The following MAP3K7CL variants were observed in gnomAD, a reference collection of about 807,000 sequenced individuals.
MAP3K7CL encodes MAP3K7 C-terminal-like protein.
A neutral mutation model predicts 18.6 loss-of-function variants in MAP3K7CL; 16 were observed. That is an observed-to-expected ratio of 0.86 (90% CI 0.58 to 1.31). MAP3K7CL has a LOEUF of 1.31. Among genes scored for constraint, MAP3K7CL ranks in the 50% most tolerant of loss-of-function variants. MAP3K7CL has a pLI of 0.00. For synonymous variants in MAP3K7CL, 65 were observed against 66.8 expected, an observed-to-expected ratio of 0.97 and a Z score of 0.13; for missense variants, 163 against 174.4, an observed-to-expected ratio of 0.93 and a Z score of 0.37.
chr21:29,163,381 C>T (rs549899204), intron 4 of MAP3K7CL, among the ~76,000 whole-genome samples: 1 of 152,150 alleles, frequency 6.6e-6, no homozygotes, highest in Non-Finnish European at 1.5e-5. Context: ...TTCGTAAAGT[C>T]TCAAGTTCCT....
At chr21:29,155,054 A>G (rs1001058402) in intron 3 of MAP3K7CL, among the ~76,000 whole-genome samples, 1 of 152,242 alleles carries the variant, frequency 6.6e-6, no homozygotes, top group Non-Finnish European at 1.5e-5. Flanking sequence ...TATAATTGAT[A>G]GTGCTCAACT....
chr21:29,100,786 C>T (rs1248733539), intron 4 of MAP3K7CL, among the ~76,000 whole-genome samples: 2 of 143,994 alleles, frequency 1.4e-5, no homozygotes, highest in Non-Finnish European at 3.0e-5. Context: ...GATCTCGGCT[C>T]ACTGCAAGCT....
intron 4 of MAP3K7CL, among the ~76,000 whole-genome samples, chr21:29,101,392 G>A (rs889357822): frequency 7.9e-5 from 12 of 152,132 alleles, no homozygotes; most frequent in African/African-American, 2.9e-4. Flanking sequence ...TCTCAGCCTG[G>A]TCTTGTTTAA....
intron 4 of MAP3K7CL, among the ~76,000 whole-genome samples, chr21:29,110,375 C>A (rs1014688685): frequency 2.6e-5 from 4 of 152,002 alleles, no homozygotes; most frequent in African/African-American, 9.7e-5. Flanking sequence ...TTCTTATCAT[C>A]CTGTTGCTCC....
upstream of MAP3K7CL, among the ~76,000 whole-genome samples, chr21:29,082,499 A>T (rs981992289): frequency 5.3e-5 from 8 of 152,278 alleles, no homozygotes; most frequent in Admixed American, 3.3e-4. Context: ...GCAGGCTTGG[A>T]GGTCTCAGCT....
chr21:29,138,046 A>G (rs1054745765), intron 2 of MAP3K7CL, among the ~76,000 whole-genome samples: 1 of 152,212 alleles, frequency 6.6e-6, no homozygotes, highest in African/African-American at 2.4e-5. Context: ...ACTTGGTGAC[A>G]GACTGGCCCT....
intron 2 of MAP3K7CL, among the ~76,000 whole-genome samples, chr21:29,142,790 G>C (rs964320759): frequency 1.3e-5 from 2 of 152,200 alleles, no homozygotes; most frequent in Admixed American, 1.3e-4. Flanking sequence ...TCAGAGACAG[G>C]TAATACCCTT....
intron 2 of MAP3K7CL, among the ~76,000 whole-genome samples, chr21:29,140,764 T>C (rs114710505): frequency 0.01 from 1,539 of 152,292 alleles, 22 homozygotes; most frequent in African/African-American, 0.035. Context: ...ATACTTCCAA[T>C]AGGCTCTTGT....
At chr21:29,133,450 A>G (rs532501343) in intron 2 of MAP3K7CL, 36 bp downstream of exon 2, 2 of 1,435,664 alleles carry the variant, frequency 1.4e-6, no homozygotes, top group South Asian at 2.7e-5. Flanking sequence ...TGTTTCCTTC[A>G]TACCCCACCT....
intron 4 of MAP3K7CL, among the ~76,000 whole-genome samples, chr21:29,097,925 G>A (rs1189783879): frequency 6.6e-6 from 1 of 152,004 alleles, no homozygotes; most frequent in Admixed American, 6.6e-5. Context: ...TCTATAAACT[G>A]TTGTGTCTGT....
intron 4 of MAP3K7CL, among the ~76,000 whole-genome samples, chr21:29,160,565 A>G (rs1431076646): frequency 6.6e-6 from 1 of 152,230 alleles, no homozygotes; most frequent in Non-Finnish European, 1.5e-5. Flanking sequence ...TAATTAAAGC[A>G]TTCTGATTTT....
chr21:29,162,943 A>T (rs991992487), intron 4 of MAP3K7CL, among the ~76,000 whole-genome samples: 1 of 152,088 alleles, frequency 6.6e-6, no homozygotes, highest in South Asian at 2.1e-4. Context: ...TGTCTCTACT[A>T]AAAATACAAA....
intron 1 of MAP3K7CL, among the ~76,000 whole-genome samples, chr21:29,090,798 GT>G (rs891382607): frequency 6.7e-6 from 1 of 148,862 alleles, no homozygotes; most frequent in Non-Finnish European, 1.5e-5. Context: ...CCGGGACTTC[GT>G]TTTTTTTCTT....
At chr21:29,119,297 T>C (rs1382324780) in intron 4 of MAP3K7CL, among the ~76,000 whole-genome samples, 1 of 152,244 alleles carries the variant, frequency 6.6e-6, no homozygotes, top group Admixed American at 6.5e-5. Flanking sequence ...GGCTAAATTT[T>C]TGTTTGTTTG....
chr21:29,152,896 G>T (rs562164103), intron 3 of MAP3K7CL, among the ~76,000 whole-genome samples: 17 of 152,274 alleles, frequency 1.1e-4, no homozygotes, highest in African/African-American at 3.9e-4. Context: ...TTTCTGGTTT[G>T]CAAGATTGCC....
At chr21:29,114,289 G>A (rs369580623) in intron 4 of MAP3K7CL, among the ~76,000 whole-genome samples, 3 of 151,622 alleles carry the variant, frequency 2.0e-5, no homozygotes, top group East Asian at 2.0e-4. Flanking sequence ...GGCTGGTCTC[G>A]AACTCTTGGT....
intron 2 of MAP3K7CL, among the ~76,000 whole-genome samples, chr21:29,138,758 G>C (rs1190911051): frequency 6.6e-6 from 1 of 152,092 alleles, no homozygotes; most frequent in African/African-American, 2.4e-5. Flanking sequence ...GAGCCAGGAG[G>C]ATCACTTGAG....
intron 2 of MAP3K7CL, among the ~76,000 whole-genome samples, chr21:29,134,254 A>C (rs761651370): frequency 6.6e-6 from 1 of 152,202 alleles, no homozygotes; most frequent in Non-Finnish European, 1.5e-5. Flanking sequence ...ATGGTGGCTC[A>C]CGACTGTAAT....
chr21:29,154,098 G>T (rs2087342513), intron 3 of MAP3K7CL, among the ~76,000 whole-genome samples: 1 of 152,122 alleles, frequency 6.6e-6, no homozygotes. Flanking sequence ...TCTCTTGAAA[G>T]CTCACTTTCC....
Sources: gnomAD v4.1 joint callset for allele counts (sites outside exome capture counted in the v4.1 genomes callset) on GRCh38, gnomAD v4.1.1 for gene constraint, MANE v1.5 for transcripts, NCBI Gene and HGNC (gene_info 2026-07-23, HGNC 2026-07-21) for gene names.